The following CNGB1 variants were observed in gnomAD, a reference collection of about 807,000 sequenced individuals.
The protein encoded by CNGB1 is cyclic nucleotide gated channel subunit beta 1, also known as cyclic nucleotide-gated channel beta-1.
Under a neutral mutation model 151.7 loss-of-function variants are expected in CNGB1, and 126 were observed. That is an observed-to-expected ratio of 0.83 (90% CI 0.72 to 0.96). The LOEUF is 0.96. Ranked by LOEUF, CNGB1 falls within the 40% of genes least tolerant of loss-of-function variation. The pLI, the probability that CNGB1 is intolerant of heterozygous loss-of-function variation, is 0.00. For synonymous variants in CNGB1, 623 were observed against 635.1 expected (o/e 0.98, Z 0.29); for missense variants, 1,698 against 1,627.0 (o/e 1.04, Z -0.75).
At chr16:57,904,351 T>A (rs1960479850) in intron 26 of CNGB1, among the ~76,000 whole-genome samples, 1 of 152,102 alleles carries the variant, frequency 6.6e-6, no homozygotes, top group Non-Finnish European at 1.5e-5. Flanking sequence ...AGTGTGCTGT[T>A]CCTCGGGGCG....
intron 4 of CNGB1, 132 bp from the exon 5 acceptor site, chr16:57,963,196 G>A (rs1286719509): frequency 8.6e-6 from 7 of 810,562 alleles, no homozygotes; most frequent in Non-Finnish European, 1.5e-5. Context: ...GTGGTTATTG[G>A]AAAGTACCTA....
chr16:57,967,050 C>T (rs1337837843), intron 2 of CNGB1, 78 bp downstream of exon 2: 1 of 1,603,082 alleles, frequency 6.2e-7, no homozygotes, highest in Non-Finnish European at 8.5e-7. Flanking sequence ...TAGAAAGTCC[C>T]TGGAGAGCAG....
rs1962293712 is a variant in CNGB1, at chr16:57,962,877, C to G, written c.382-5G>C. 2 of 1,612,652 alleles carry G rather than the reference C, an allele frequency of 1.2e-6. No individual in the cohort carries two copies. The highest frequency in any genetic ancestry group is 4.5e-5 in the East Asian group (2 of 44,880). On this transcript the variant is annotated splice_polypyrimidine_tract_variant and splice_region_variant and intron_variant, in intron 5 of 32. Coordinates refer to ENST00000251102, the MANE Select transcript of CNGB1 (RefSeq NM_001297.5). ...AGTGCTGCCATGCCCCAGGATCTGC[C>G]AGGGACAGACAGACAGACATGGGCA...
intron 19 of CNGB1, 33 bp from the exon 20 acceptor site, chr16:57,919,287 G>T (rs748873286): frequency 2.5e-6 from 4 of 1,613,862 alleles, no homozygotes; most frequent in Admixed American, 1.7e-5. Flanking sequence ...ATCTGAACCA[G>T]CCCTGAGGCC....
At chr16:57,898,574 C>T (rs1567366329) in intron 29 of CNGB1, among the ~76,000 whole-genome samples, 1 of 151,890 alleles carries the variant, frequency 6.6e-6, no homozygotes. Flanking sequence ...TGCCACCATG[C>T]CCGGCAAATT....
At chr16:57,963,140 G>T in intron 4 of CNGB1, 76 bp from the exon 5 acceptor site, 1 of 1,056,172 alleles carries the variant, frequency 9.5e-7, no homozygotes, top group South Asian at 1.2e-5. Flanking sequence ...AAGACACTAG[G>T]TGAGTCTCTG....
At chr16:57,886,905 C>T (rs1210024438) in intron 32 of CNGB1, among the ~76,000 whole-genome samples, 2 of 152,094 alleles carry the variant, frequency 1.3e-5, no homozygotes, top group Non-Finnish European at 2.9e-5. Flanking sequence ...GACAGGGTCT[C>T]ACTCTGTCAC....
At chr16:57,959,154 G>A (rs535116640) in intron 10 of CNGB1, among the ~76,000 whole-genome samples, 12 of 152,028 alleles carry the variant, frequency 7.9e-5, no homozygotes, top group Non-Finnish European at 1.0e-4. Flanking sequence ...ATGCATGCAC[G>A]GGTTATTGAC....
chr16:57,939,301 C>CT lies in CNGB1; in HGVS notation c.1372+128dup, dbSNP rs1388070765. The CT allele has an allele frequency of 1.1e-4, 144 of 1,308,306 alleles. 1 individual carries two copies. In the African/African-American group the frequency reaches 2.0e-3, roughly 18 times the overall value. 81.0% of individuals were successfully genotyped at this position (1,308,306 alleles called of 1,614,324 possible). A position where few individuals can be genotyped will look rare whatever the true frequency, so the allele number is the denominator to read the frequency against. On this transcript the variant is annotated intron_variant, in intron 16 of 32. Coordinates refer to ENST00000251102, the MANE Select transcript of CNGB1 (RefSeq NM_001297.5). Reference sequence around the variant, plus strand: ...TGGGATTTTCCTGAAGACAGGGTGGCTGAGGGGGCAATGGGGGGAAGGAGA... The same window carrying CT: ...TGGGATTTTCCTGAAGACAGGGTGGCTTGAGGGGGCAATGGGGGGAAGGAGA...
chr16:57,949,090 G>A (rs1178537235), intron 14 of CNGB1, among the ~76,000 whole-genome samples: 1 of 151,678 alleles, frequency 6.6e-6, no homozygotes, highest in Non-Finnish European at 1.5e-5. Context: ...GAAAGCAACA[G>A]ATAAAAGCCC....
chr16:57,948,870 G>A (rs188991921), intron 14 of CNGB1, among the ~76,000 whole-genome samples: 7 of 152,118 alleles, frequency 4.6e-5, no homozygotes, highest in African/African-American at 1.7e-4. Context: ...GTGGACGATC[G>A]ACCATTACTG....
intron 10 of CNGB1, among the ~76,000 whole-genome samples, 186 bp downstream of exon 10, chr16:57,959,702 G>A (rs1477785572): frequency 6.6e-6 from 1 of 152,232 alleles, no homozygotes; most frequent in East Asian, 1.9e-4. Context: ...AGTACCCAAA[G>A]CTTGAAAGCT....
At chr16:57,934,597 G>A (rs1290504183) in intron 16 of CNGB1, among the ~76,000 whole-genome samples, 1 of 152,162 alleles carries the variant, frequency 6.6e-6, no homozygotes. Context: ...GGGGCTCCCA[G>A]AGACTGGGGA....
In CNGB1 at chr16:57,916,159, T is replaced by C; in HGVS notation, c.2187A>G (p.Arg729=). 1 of 1,614,038 alleles carries C rather than the reference T, an allele frequency of 6.2e-7. No individual in the cohort carries two copies. Among genetic ancestry groups the C allele is most frequent in the African/African-American group, 1.3e-5 (1 of 75,032 alleles). The part of the protein sequence containing the change: ...GDIITDKKDM[R]NNYLKSRRFK... ...AGCGGCGAGACTTCAGGTAGTTATT[T>C]CGCATGTCCTTTTTGTCCGTCTGAA... The change falls in exon 22 of 33, where the codon CGA becomes CGG. Residue 729 remains arginine (R), a synonymous_variant. Coordinates refer to ENST00000251102, the MANE Select transcript of CNGB1 (RefSeq NM_001297.5).
intron 16 of CNGB1, among the ~76,000 whole-genome samples, chr16:57,933,496 G>C (rs1300586908): frequency 1.3e-5 from 2 of 152,040 alleles, no homozygotes; most frequent in Non-Finnish European, 2.9e-5. Flanking sequence ...ACCCACCTCA[G>C]GGACTGCAGG....
chr16:57,907,365 A>G (rs1207173647), intron 25 of CNGB1, among the ~76,000 whole-genome samples: 1 of 152,042 alleles, frequency 6.6e-6, no homozygotes. Context: ...AAGCCAACAT[A>G]TGCTCAAATT....
chr16:57,943,567 G>C (rs1961725337), intron 14 of CNGB1, among the ~76,000 whole-genome samples: 1 of 152,170 alleles, frequency 6.6e-6, no homozygotes, highest in African/African-American at 2.4e-5. Context: ...CTACTTGGCA[G>C]GCTGAGGCAG....
rs1597013599 is a variant in CNGB1, at chr16:57,960,670, G to A, written c.535-140C>T. On this transcript the variant is annotated intron_variant, in intron 8 of 32. Coordinates refer to ENST00000251102, the MANE Select transcript of CNGB1 (RefSeq NM_001297.5). ...GGGGTGTCTCTCCTTCTGAATCCCG[G>A]CCCCCTCTCACAGTCACTCCTCCCC... 3 of 1,304,848 alleles carry A rather than the reference G, an allele frequency of 2.3e-6. No individual in the cohort carries two copies. The East Asian group carries it at 7.5e-5, about 33-fold the overall frequency. 80.8% of individuals were successfully genotyped at this position (1,304,848 alleles called of 1,614,324 possible).
At chr16:57,890,691 C>A (rs1378156088) in intron 31 of CNGB1, among the ~76,000 whole-genome samples, 1 of 152,248 alleles carries the variant, frequency 6.6e-6, no homozygotes, top group Non-Finnish European at 1.5e-5. Flanking sequence ...CACTTCACTT[C>A]TTTGGGGACC....
Sources: gnomAD v4.1 joint callset for allele counts (sites outside exome capture counted in the v4.1 genomes callset) on GRCh38, gnomAD v4.1.1 for gene constraint, MANE v1.5 for transcripts, NCBI Gene and HGNC (gene_info 2026-07-23, HGNC 2026-07-21) for gene names.